The following KCNQ5 variants were observed in gnomAD, a reference collection of about 807,000 sequenced individuals.
KCNQ5 encodes the protein potassium voltage-gated channel subfamily KQT member 5.
KCNQ5 carries 30 observed loss-of-function variants against 98.2 expected under a neutral mutation model. The observed-to-expected ratio is 0.31, with a 90% CI of 0.23 to 0.41. KCNQ5 has a LOEUF of 0.41. KCNQ5 is among the 10% of genes least tolerant of loss of function. KCNQ5 has a pLI of 1.00. For missense variants in KCNQ5, 835 were observed against 1,182.5 expected, an observed-to-expected ratio of 0.71 and a Z score of 4.31; for synonymous variants, 458 against 449.4, an observed-to-expected ratio of 1.02 and a Z score of -0.24.
intron 3 of KCNQ5, among the ~76,000 whole-genome samples, chr6:73,050,633 A>T (rs1367317697): frequency 1.3e-5 from 2 of 152,288 alleles, no homozygotes; most frequent in Admixed American, 1.3e-4. Flanking sequence ...AAATTTTCTC[A>T]CATGTATATA....
At chr6:73,164,888 T>G (rs1321361384) in intron 10 of KCNQ5, among the ~76,000 whole-genome samples, 1 of 152,162 alleles carries the variant, frequency 6.6e-6, no homozygotes, top group Non-Finnish European at 1.5e-5. Context: ...AAGATAGAAG[T>G]ACCTCTCATT....
chr6:72,740,118 C>T (rs1252167076), intron 1 of KCNQ5, among the ~76,000 whole-genome samples: 3 of 152,206 alleles, frequency 2.0e-5, no homozygotes, highest in African/African-American at 4.8e-5. Context: ...CTAGGCTTCT[C>T]AATAAGTTTC....
At chr6:73,000,317 C>A (rs918175852) in intron 1 of KCNQ5, among the ~76,000 whole-genome samples, 1 of 152,188 alleles carries the variant, frequency 6.6e-6, no homozygotes. Flanking sequence ...AGAGCTAATT[C>A]AGAGCAGAAT....
At chr6:72,696,763 T>C (rs962540571) in intron 1 of KCNQ5, among the ~76,000 whole-genome samples, 2 of 152,218 alleles carry the variant, frequency 1.3e-5, no homozygotes, top group African/African-American at 2.4e-5. Context: ...CACCTTTGCA[T>C]AGGAACACTC....
chr6:72,751,603 C>T (rs766578965), intron 1 of KCNQ5, among the ~76,000 whole-genome samples: 2 of 152,010 alleles, frequency 1.3e-5, no homozygotes, highest in African/African-American at 2.4e-5. Flanking sequence ...TAATATAGCT[C>T]ATCTTAATAA....
chr6:73,175,825 A>C (rs1778191505), intron 11 of KCNQ5, among the ~76,000 whole-genome samples: 2 of 151,922 alleles, frequency 1.3e-5, no homozygotes, highest in Admixed American at 1.3e-4. Context: ...CAGTGACAGG[A>C]CGGTTTGGGC....
At chr6:72,717,800 C>A (rs1317470458) in intron 1 of KCNQ5, among the ~76,000 whole-genome samples, 1 of 152,126 alleles carries the variant, frequency 6.6e-6, no homozygotes, top group Non-Finnish European at 1.5e-5. Context: ...GTTTATGTAC[C>A]ATGAATGCAT....
At chr6:72,982,077 C>G (rs1307241012) in intron 1 of KCNQ5, among the ~76,000 whole-genome samples, 1 of 152,046 alleles carries the variant, frequency 6.6e-6, no homozygotes, top group East Asian at 1.9e-4. Context: ...ACTTCCAACT[C>G]TGTGGTCAAT....
intron 9 of KCNQ5, among the ~76,000 whole-genome samples, chr6:73,132,627 G>T (rs1018904182): frequency 2.6e-5 from 4 of 152,160 alleles, no homozygotes; most frequent in Non-Finnish European, 5.9e-5. Flanking sequence ...TCTTTTATCA[G>T]CCCACAACAA....
chr6:73,142,027 G>A (rs1453153781), intron 10 of KCNQ5, among the ~76,000 whole-genome samples: 3 of 152,184 alleles, frequency 2.0e-5, no homozygotes, highest in African/African-American at 4.8e-5. Context: ...GCTCAACTGA[G>A]CATTTGCTAG....
chr6:72,780,614 G>C (rs1433393333), intron 1 of KCNQ5, among the ~76,000 whole-genome samples: 2 of 152,206 alleles, frequency 1.3e-5, no homozygotes, highest in East Asian at 3.8e-4. Flanking sequence ...CTGGGACATA[G>C]AGTGACTGTT....
chr6:72,941,352 CCTTCTTTT>C, intron 1 of KCNQ5, among the ~76,000 whole-genome samples: 1 of 43,692 alleles, frequency 2.3e-5, no homozygotes, highest in East Asian at 1.3e-3. Flanking sequence ...TTTCTTCCTT[CCTTCTTTT>C]CTTCCTTCCT....
Position 72,629,463 on chromosome 6 carries a change from T to C in KCNQ5, c.398+6876T>C, listed in dbSNP as rs911153184. The stretch of plus-strand genomic sequence containing the variant: ...GAAGACCATATTACAATTAGAAATG[T>C]TGAAAAGTGTTACAATATTAGTACT... On this transcript the variant is annotated intron_variant, in intron 1 of 13. Transcript: ENST00000370398. 2.6e-5 allele frequency among the ~76,000 whole-genome samples: 4 copies of C among 152,156 alleles called. No individual in the cohort carries two copies. In the East Asian group the frequency reaches 5.8e-4, roughly 22 times the overall value.
rs905983992 is a variant in KCNQ5 at position 72,783,308 on chromosome 6, G to A, written c.398+160721G>A. On this transcript the variant is annotated intron_variant, in intron 1 of 13. Transcript: ENST00000370398. ...CAATTCCTAAGCACCATTTTCAGAG[G>A]CTTCACAATAAGAGTATTCATTCTG... 5.3e-5 allele frequency among the ~76,000 whole-genome samples: 8 copies of A among 152,198 alleles called. No individual in the cohort carries two copies. In the East Asian group the frequency reaches 1.5e-3, roughly 29 times the overall value.
At chr6:73,064,318 A>C (rs756005449) in intron 3 of KCNQ5, among the ~76,000 whole-genome samples, 17 of 152,184 alleles carry the variant, frequency 1.1e-4, no homozygotes, top group Non-Finnish European at 5.9e-5. Context: ...AACTGCTTAG[A>C]GTAAGTGCAA....
intron 1 of KCNQ5, among the ~76,000 whole-genome samples, chr6:72,759,182 G>A (rs1285414558): frequency 3.3e-5 from 5 of 152,118 alleles, no homozygotes; most frequent in Non-Finnish European, 7.4e-5. Flanking sequence ...CAAAAGCTTT[G>A]GAGATGAATG....
chr6:72,717,994 C>G (rs1449211008), intron 1 of KCNQ5, among the ~76,000 whole-genome samples: 2 of 152,182 alleles, frequency 1.3e-5, no homozygotes, highest in East Asian at 3.9e-4. Flanking sequence ...TCCCAAACAT[C>G]ATATGCCAGT....
At chr6:73,012,811 C>T (rs377380215) in intron 2 of KCNQ5, among the ~76,000 whole-genome samples, 27 of 151,142 alleles carry the variant, frequency 1.8e-4, no homozygotes, top group African/African-American at 5.8e-4. Flanking sequence ...ACGTGTACCC[C>T]GGAACTTAAA....
intron 5 of KCNQ5, among the ~76,000 whole-genome samples, chr6:73,086,005 A>C (rs1773975946): frequency 6.6e-6 from 1 of 152,302 alleles, no homozygotes; most frequent in South Asian, 2.1e-4. Flanking sequence ...TATCTGTCCC[A>C]CATATATAAA....
Sources: gnomAD v4.1 joint callset for allele counts (sites outside exome capture counted in the v4.1 genomes callset) on GRCh38, gnomAD v4.1.1 for gene constraint, MANE v1.5 for transcripts, NCBI Gene and HGNC (gene_info 2026-07-23, HGNC 2026-07-21) for gene names.